NOL4: variants seen among roughly 807,000 people sequenced by gnomAD.
The protein encoded by NOL4 is cancer/testis antigen 125.
A neutral mutation model predicts 75.9 loss-of-function variants in NOL4; 17 were observed. That is an observed-to-expected ratio of 0.22 (90% CI 0.15 to 0.34). The LOEUF (loss-of-function observed/expected upper bound fraction) is 0.34, where lower values mean the gene tolerates loss of function less well. Among genes scored for constraint, NOL4 ranks in the 10% least tolerant of loss-of-function variants. The pLI, the probability that NOL4 is intolerant of heterozygous loss-of-function variation, is 1.00. For synonymous variants in NOL4, 292 were observed against 289.9 expected (o/e 1.01, Z -0.07); for missense variants, 614 against 793.5 (o/e 0.77, Z 2.72).
intron 5 of NOL4, among the ~76,000 whole-genome samples, chr18:34,024,214 T>TATATATATATATATATATATATATAC: frequency 7.6e-6 from 1 of 130,760 alleles, no homozygotes; most frequent in Non-Finnish European, 1.7e-5. Flanking sequence ...TATATATATA[T>TATATATATATATATATATATATATAC]AAAATCCTCA....
At chr18:33,914,965 A>G (rs2066626299) in intron 9 of NOL4, among the ~76,000 whole-genome samples, 1 of 152,120 alleles carries the variant, frequency 6.6e-6, no homozygotes, top group Non-Finnish European at 1.5e-5. Context: ...TGGTGGGACT[A>G]CAGGAGAAAA....
intron 9 of NOL4, among the ~76,000 whole-genome samples, chr18:33,884,256 C>T (rs576144026): frequency 6.5e-4 from 99 of 152,018 alleles, no homozygotes; most frequent in African/African-American, 2.3e-3. Context: ...CTCTCTCTTC[C>T]TCTGTGTATG....
At chr18:33,896,096 G>C (rs2065387396) in intron 9 of NOL4, among the ~76,000 whole-genome samples, 1 of 152,132 alleles carries the variant, frequency 6.6e-6, no homozygotes, top group Non-Finnish European at 1.5e-5. Flanking sequence ...GCTAACGAGG[G>C]AGGTGAAAAA....
chr18:34,176,979 T>C (rs181779905), intron 1 of NOL4, among the ~76,000 whole-genome samples: 104 of 152,122 alleles, frequency 6.8e-4, no homozygotes, highest in African/African-American at 2.4e-3. Flanking sequence ...ATAGAGTTGA[T>C]ATCTTTTTTT....
intron 10 of NOL4, among the ~76,000 whole-genome samples, chr18:33,878,939 AAAT>A (rs1295093444): frequency 6.6e-6 from 1 of 152,104 alleles, no homozygotes; most frequent in African/African-American, 2.4e-5. Flanking sequence ...AACAGTCCCC[AAAT>A]AATAATATGA....
intron 9 of NOL4, among the ~76,000 whole-genome samples, chr18:33,928,317 T>G (rs1204607780): frequency 6.6e-6 from 1 of 152,146 alleles, no homozygotes; most frequent in East Asian, 1.9e-4. Flanking sequence ...TTCCTTGAAA[T>G]TAACAACAGC....
intron 8 of NOL4, among the ~76,000 whole-genome samples, chr18:33,953,859 T>C (rs2069438415): frequency 6.6e-6 from 1 of 152,156 alleles, no homozygotes; most frequent in South Asian, 2.1e-4. Flanking sequence ...TAGGGTGATA[T>C]ACAGTACGTG....
intron 8 of NOL4, among the ~76,000 whole-genome samples, chr18:33,943,526 T>C (rs1013927440): frequency 6.6e-5 from 10 of 151,580 alleles, no homozygotes; most frequent in African/African-American, 9.7e-5. Flanking sequence ...CTACAACATA[T>C]GACATGCACA....
At chr18:33,880,044 C>A (rs1434574726) in intron 10 of NOL4, among the ~76,000 whole-genome samples, 3 of 152,014 alleles carry the variant, frequency 2.0e-5, no homozygotes, top group Non-Finnish European at 4.4e-5. Flanking sequence ...TTTTACTAAA[C>A]CGATGGGTAG....
At chr18:34,036,157 A>T (rs544733915) in intron 5 of NOL4, among the ~76,000 whole-genome samples, 1 of 152,274 alleles carries the variant, frequency 6.6e-6, no homozygotes, top group African/African-American at 2.4e-5. Context: ...AAAACCAGAC[A>T]AGGATTTGAC....
At chr18:33,928,135 C>T (rs1178626994) in intron 9 of NOL4, among the ~76,000 whole-genome samples, 2 of 152,114 alleles carry the variant, frequency 1.3e-5, no homozygotes, top group Non-Finnish European at 2.9e-5. Flanking sequence ...CTTCGTTTAT[C>T]CACTAAGCCT....
chr18:34,118,093 CAAT>C (rs2079947538), intron 2 of NOL4, among the ~76,000 whole-genome samples: 1 of 152,082 alleles, frequency 6.6e-6, no homozygotes, highest in Non-Finnish European at 1.5e-5. Context: ...TTAGAGCAAA[CAAT>C]AATTAATATA....
chr18:34,201,608 G>T (rs1373776517), intron 1 of NOL4, among the ~76,000 whole-genome samples: 2 of 151,574 alleles, frequency 1.3e-5, no homozygotes, highest in Non-Finnish European at 3.0e-5. Context: ...AAAATATTGA[G>T]GTTTTTTTCA....
chr18:34,015,256 A>G (rs1031423772), intron 6 of NOL4, among the ~76,000 whole-genome samples: 4 of 152,002 alleles, frequency 2.6e-5, no homozygotes, highest in Non-Finnish European at 4.4e-5. Context: ...CTCCTTCGCA[A>G]TTAAAATGAT....
At chr18:34,187,211 A>G (rs966040548) in intron 1 of NOL4, among the ~76,000 whole-genome samples, 1 of 152,032 alleles carries the variant, frequency 6.6e-6, no homozygotes, top group Admixed American at 6.6e-5. Context: ...TTAACCCCAT[A>G]ACAACCACTG....
intron 1 of NOL4, among the ~76,000 whole-genome samples, chr18:34,198,225 T>C (rs371969548): frequency 1.3e-5 from 2 of 151,900 alleles, no homozygotes; most frequent in African/African-American, 4.8e-5. Flanking sequence ...TAGTTTCTAC[T>C]TTTTTTATTA....
intron 2 of NOL4, among the ~76,000 whole-genome samples, chr18:34,128,518 GTT>G (rs1377208204): frequency 2.0e-5 from 3 of 151,798 alleles, no homozygotes; most frequent in Non-Finnish European, 2.9e-5. Context: ...AAATGAGTAT[GTT>G]CAGTAATGTT....
chr18:34,156,461 C>T (rs1408640237), intron 1 of NOL4, among the ~76,000 whole-genome samples: 1 of 152,026 alleles, frequency 6.6e-6, no homozygotes. Context: ...TTCTCCTTGT[C>T]AGGTAACATG....
At chr18:33,867,973 C>T (rs979808111) in intron 10 of NOL4, among the ~76,000 whole-genome samples, 4 of 151,860 alleles carry the variant, frequency 2.6e-5, no homozygotes, top group Non-Finnish European at 5.9e-5. Context: ...CTCAAGTCTT[C>T]AATTGATGGG....
Sources: gnomAD v4.1 joint callset for allele counts (sites outside exome capture counted in the v4.1 genomes callset) on GRCh38, gnomAD v4.1.1 for gene constraint, MANE v1.5 for transcripts, NCBI Gene and HGNC (gene_info 2026-07-23, HGNC 2026-07-21) for gene names.